Variants in NKAIN3 observed in about 807,000 individuals in gnomAD.
The protein encoded by NKAIN3 is sodium/potassium-transporting ATPase subunit beta-1-interacting protein 3.
A neutral mutation model predicts 30.2 loss-of-function variants in NKAIN3; 25 were observed. The ratio of observed to expected loss-of-function variants is 0.83; its 90% CI spans 0.60 to 1.16. The LOEUF is 1.16. Among genes scored for constraint, NKAIN3 ranks in the 50% most tolerant of loss-of-function variants. The probability of loss-of-function intolerance (pLI) is 0.00; values close to 1 mark genes in which losing one functional copy is unlikely to be tolerated. For synonymous variants in NKAIN3, 91 were observed against 89.6 expected (o/e 1.02, Z -0.09); for missense variants, 225 against 254.1 (o/e 0.89, Z 0.78).
chr8:62,363,900 T>A (rs1331005616), intron 1 of NKAIN3, among the ~76,000 whole-genome samples: 1 of 152,204 alleles, frequency 6.6e-6, no homozygotes, highest in Non-Finnish European at 1.5e-5. Flanking sequence ...AAAGTATTAA[T>A]AGAAAGATGT....
At chr8:62,528,865 T>A (rs1808399649) in intron 1 of NKAIN3, among the ~76,000 whole-genome samples, 1 of 152,146 alleles carries the variant, frequency 6.6e-6, no homozygotes, top group Non-Finnish European at 1.5e-5. Context: ...AGTAATATAT[T>A]GAGTGCCTAC....
At chr8:62,503,639 A>G (rs1403785347) in intron 1 of NKAIN3, among the ~76,000 whole-genome samples, 3 of 151,968 alleles carry the variant, frequency 2.0e-5, no homozygotes, top group Non-Finnish European at 4.4e-5. Flanking sequence ...TTCCCCCAGG[A>G]ATGCAATTCT....
intron 3 of NKAIN3, among the ~76,000 whole-genome samples, chr8:62,681,271 T>C (rs991901777): frequency 1.1e-4 from 17 of 152,190 alleles, no homozygotes; most frequent in Non-Finnish European, 2.4e-4. Flanking sequence ...CTAGATGTAT[T>C]TTGGAAAGAA....
intron 1 of NKAIN3, among the ~76,000 whole-genome samples, chr8:62,530,054 G>C (rs1341737617): frequency 6.6e-6 from 1 of 152,084 alleles, no homozygotes; most frequent in Admixed American, 6.6e-5. Flanking sequence ...AAAAAAGTTT[G>C]AGACACCTTA....
intron 4 of NKAIN3, chr8:62,856,423 G>T (rs1820061322): frequency 6.3e-6 from 5 of 793,292 alleles, no homozygotes; most frequent in Non-Finnish European, 9.2e-6. Flanking sequence ...CTCATCCTCT[G>T]CTATGCTGGT....
At chr8:62,332,261 T>A (rs2129590106) in intron 1 of NKAIN3, among the ~76,000 whole-genome samples, 1 of 152,266 alleles carries the variant, frequency 6.6e-6, no homozygotes, top group South Asian at 2.1e-4. Context: ...CAGCAAATGC[T>A]TGAGACTTCC....
intron 4 of NKAIN3, chr8:62,864,306 A>T: frequency 7.1e-7 from 1 of 1,416,206 alleles, no homozygotes; most frequent in East Asian, 2.3e-5. Context: ...AAGAGAAAGA[A>T]GACCCTGAGA....
At chr8:62,420,441 T>G (rs929110225) in intron 1 of NKAIN3, among the ~76,000 whole-genome samples, 4 of 152,172 alleles carry the variant, frequency 2.6e-5, no homozygotes, top group Non-Finnish European at 4.4e-5. Context: ...TGTTACACAT[T>G]TTTAAGTATC....
intron 4 of NKAIN3, among the ~76,000 whole-genome samples, chr8:62,759,394 T>C (rs1182309039): frequency 6.6e-6 from 1 of 152,076 alleles, no homozygotes; most frequent in Non-Finnish European, 1.5e-5. Context: ...AGTAATAGGA[T>C]TAGAAATGTG....
At chr8:62,293,414 T>G (rs4738950) in intron 1 of NKAIN3, among the ~76,000 whole-genome samples, 4,043 of 152,274 alleles carry the variant, frequency 0.027, 143 homozygotes, top group East Asian at 0.13. Context: ...GATGGGGTTT[T>G]GGAGTGGATG....
intron 3 of NKAIN3, among the ~76,000 whole-genome samples, chr8:62,745,642 A>G (rs1280570905): frequency 1.3e-5 from 2 of 152,212 alleles, no homozygotes; most frequent in East Asian, 3.8e-4. Context: ...CAGAAATACT[A>G]AAGGGCATCT....
chr8:62,278,525 C>G (rs140547423), intron 1 of NKAIN3, among the ~76,000 whole-genome samples: 128 of 152,222 alleles, frequency 8.4e-4, no homozygotes, highest in Middle Eastern at 3.4e-3. Flanking sequence ...CTATCCCTCC[C>G]CACTCCCCCG....
rs951639013 is a variant in NKAIN3, at chr8:62,975,765, G to A, written c.*10358G>A. Among the ~76,000 whole-genome samples, 2 of 152,136 alleles carry A rather than the reference G, an allele frequency of 1.3e-5. No individual in the cohort carries two copies. Among genetic ancestry groups the A allele is most frequent in the African/African-American group, 4.8e-5 (2 of 41,436 alleles). On this transcript the variant is annotated 3_prime_UTR_variant, in exon 7 of 7. Coordinates refer to ENST00000623646, the MANE Select transcript of NKAIN3 (RefSeq NM_001304533.3). Reference sequence around the variant, plus strand: ...TTGTGATGTTAGCGTGTTGATTGTAGATGTTTAGATTTTAGATGTTTAGAT... The same window carrying A: ...TTGTGATGTTAGCGTGTTGATTGTAAATGTTTAGATTTTAGATGTTTAGAT...
At position 62,896,769 on chromosome 8, in the gene NKAIN3, T is replaced by C. The variant is rs539016235; in HGVS notation, c.472-21684T>C. Among the ~76,000 whole-genome samples the C allele has an allele frequency of 1.1e-4, 16 of 152,278 alleles. No homozygotes were observed. In the East Asian group the frequency reaches 2.5e-3, roughly 24 times the overall value. On this transcript the variant is annotated intron_variant, in intron 4 of 6. Coordinates refer to ENST00000623646, the MANE Select transcript of NKAIN3 (RefSeq NM_001304533.3). ...GCAGAACCTAATAATTGCAGTCTAG[T>C]TGGGTCCTAATGTCAACACTATGTG...
chr8:62,286,692 AG>A (rs1031842485), intron 1 of NKAIN3, among the ~76,000 whole-genome samples: 49 of 152,238 alleles, frequency 3.2e-4, no homozygotes, highest in African/African-American at 1.1e-3. Context: ...TGTACTTTCA[AG>A]TACTGACATG....
At chr8:62,611,969 G>A (rs945090740) in intron 3 of NKAIN3, among the ~76,000 whole-genome samples, 3 of 151,860 alleles carry the variant, frequency 2.0e-5, no homozygotes, top group Non-Finnish European at 2.9e-5. Flanking sequence ...GTGTCTTTTG[G>A]AAATAAGACA....
intron 4 of NKAIN3, among the ~76,000 whole-genome samples, chr8:62,870,769 A>C (rs924214155): frequency 7.4e-6 from 1 of 134,470 alleles, no homozygotes; most frequent in Admixed American, 7.4e-5. Flanking sequence ...ATAGATATAT[A>C]TAGAGAGATA....
intron 3 of NKAIN3, among the ~76,000 whole-genome samples, chr8:62,708,761 G>A (rs1337610466): frequency 6.6e-6 from 1 of 152,142 alleles, no homozygotes; most frequent in East Asian, 1.9e-4. Flanking sequence ...GTACTATGTT[G>A]AAGAGGAGTG....
At chr8:62,943,146 G>T (rs768646625) in intron 5 of NKAIN3, among the ~76,000 whole-genome samples, 1 of 151,976 alleles carries the variant, frequency 6.6e-6, no homozygotes, top group Non-Finnish European at 1.5e-5. Flanking sequence ...TCTGACAAAC[G>T]ACTAATATCC....
Sources: gnomAD v4.1 joint callset for allele counts (sites outside exome capture counted in the v4.1 genomes callset) on GRCh38, gnomAD v4.1.1 for gene constraint, MANE v1.5 for transcripts, NCBI Gene and HGNC (gene_info 2026-07-23, HGNC 2026-07-21) for gene names.